Variants in KALRN observed in about 807,000 individuals in gnomAD.
KALRN encodes the protein kalirin RhoGEF kinase.
In KALRN, 70 loss-of-function variants were observed where a neutral mutation model predicts 353.7. The ratio of observed to expected loss-of-function variants is 0.20; its 90% CI spans 0.16 to 0.24. The LOEUF is 0.24. Among genes scored for constraint, KALRN ranks in the 10% least tolerant of loss-of-function variants. KALRN has a pLI of 1.00. For synonymous variants in KALRN, 1,391 were observed against 1,434.8 expected (o/e 0.97, Z 0.69); for missense variants, 2,791 against 3,756.7 (o/e 0.74, Z 6.72).
rs1560792214 is a variant in KALRN at position 124,395,339 on chromosome 3, G to A, written c.2167G>A (p.Ala723Thr). ...APPSLGEPSE[A>T]RDSAVSNNKT... is the part of the protein sequence containing the mutation. The stretch of plus-strand genomic sequence containing the variant: ...TCCCTCCCTCGGGGAGCCCAGCGAG[G>A]CCAGGTCAGCATGGGCAGAGCTTTC... The change falls in exon 12 of 60, where the codon GCC (alanine) becomes ACC (threonine). Residue 723 changes from alanine (A) to threonine (T), a missense_variant. By Grantham distance (58) the Ala-to-Thr change is moderately conservative. Coordinates refer to ENST00000682506, the MANE Select transcript of KALRN (RefSeq NM_001388419.1). The A allele has an allele frequency of 1.2e-5, 20 of 1,610,946 alleles. No homozygotes were observed. Among genetic ancestry groups the A allele is most frequent in the Non-Finnish European group, 1.7e-5 (20 of 1,178,706 alleles).
chr3:124,664,370 TGCGC>T (rs1553719790), intron 45 of KALRN, among the ~76,000 whole-genome samples: 221 of 129,566 alleles, frequency 1.7e-3, no homozygotes, highest in African/African-American at 6.1e-3. Flanking sequence ...TGTGTGTGTG[TGCGC>T]GCGCGCGCAT....
chr3:124,216,852 T>G (rs532502912), intron 1 of KALRN, among the ~76,000 whole-genome samples: 1 of 152,372 alleles, frequency 6.6e-6, no homozygotes, highest in South Asian at 2.1e-4. Flanking sequence ...CAGCAAACAT[T>G]AACTCATCTC....
At chr3:124,702,305 A>G (rs940370676) in intron 57 of KALRN, among the ~76,000 whole-genome samples, 189 bp downstream of exon 57, 1 of 152,176 alleles carries the variant, frequency 6.6e-6, no homozygotes, top group Non-Finnish European at 1.5e-5. Flanking sequence ...TGGATGCTTC[A>G]TTCATCAGTT....
At chr3:124,141,335 C>T (rs1317374468) in intron 1 of KALRN, among the ~76,000 whole-genome samples, 1 of 152,182 alleles carries the variant, frequency 6.6e-6, no homozygotes, top group African/African-American at 2.4e-5. Context: ...ACTCCCTAGC[C>T]TCGCCCAACC....
At chr3:124,416,016 G>A (rs941773178) in intron 14 of KALRN, among the ~76,000 whole-genome samples, 3 of 152,186 alleles carry the variant, frequency 2.0e-5, no homozygotes, top group Admixed American at 6.5e-5. Context: ...ACCTGGACTC[G>A]GGATTTAGCC....
At chr3:124,193,544 A>T (rs894142617) in intron 1 of KALRN, among the ~76,000 whole-genome samples, 1 of 151,396 alleles carries the variant, frequency 6.6e-6, no homozygotes, top group Non-Finnish European at 1.5e-5. Context: ...ACCACTTAAC[A>T]CTTCCCTATT....
At chr3:124,389,656 A>G (rs1010792601) in intron 11 of KALRN, among the ~76,000 whole-genome samples, 4 of 152,238 alleles carry the variant, frequency 2.6e-5, no homozygotes, top group Non-Finnish European at 5.9e-5. Context: ...CAGTCATTCT[A>G]AATCACATTG....
intron 1 of KALRN, among the ~76,000 whole-genome samples, chr3:124,037,591 T>C (rs1441922347): frequency 6.6e-6 from 1 of 152,202 alleles, no homozygotes; most frequent in East Asian, 1.9e-4. Flanking sequence ...GATAATATGA[T>C]TTAATAAGTG....
At chr3:124,264,180 C>T (rs2073236392) in intron 3 of KALRN, among the ~76,000 whole-genome samples, 4 of 151,920 alleles carry the variant, frequency 2.6e-5, no homozygotes, top group Non-Finnish European at 5.9e-5. Flanking sequence ...ATCATGTTGA[C>T]CCTCTTAAAG....
At chr3:124,694,767 A>G (rs535225094) in intron 53 of KALRN, among the ~76,000 whole-genome samples, 1 of 152,362 alleles carries the variant, frequency 6.6e-6, no homozygotes, top group African/African-American at 2.4e-5. Flanking sequence ...GGTGCTCAGC[A>G]CCACGTAGAC....
intron 9 of KALRN, among the ~76,000 whole-genome samples, chr3:124,339,423 T>C (rs1364137980): frequency 6.6e-6 from 1 of 152,184 alleles, no homozygotes. Context: ...TGATGGCTTC[T>C]CCTGCCATAG....
chr3:124,235,105 C>G (rs2079594310), intron 3 of KALRN, among the ~76,000 whole-genome samples, 162 bp downstream of exon 3: 1 of 152,142 alleles, frequency 6.6e-6, no homozygotes, highest in Non-Finnish European at 1.5e-5. Context: ...TGCCTCATTC[C>G]CATTGTTACT....
intron 6 of KALRN, among the ~76,000 whole-genome samples, chr3:124,324,987 C>T (rs1046629356): frequency 2.0e-5 from 3 of 152,182 alleles, no homozygotes; most frequent in Non-Finnish European, 4.4e-5. Flanking sequence ...ATGCCACAAC[C>T]TTACCTGATT....
intron 19 of KALRN, among the ~76,000 whole-genome samples, chr3:124,444,936 G>A (rs548595987): frequency 1.3e-5 from 2 of 152,252 alleles, no homozygotes; most frequent in South Asian, 2.1e-4. Context: ...GAAGGAGTAT[G>A]AAAAGTACAT....
At chr3:124,135,189 C>G (rs1250452734) in intron 1 of KALRN, among the ~76,000 whole-genome samples, 3 of 152,180 alleles carry the variant, frequency 2.0e-5, no homozygotes, top group Non-Finnish European at 4.4e-5. Context: ...TGGAATACTA[C>G]TCAGCCCTAA....
chr3:124,209,784 T>C (rs1001014802), intron 1 of KALRN, among the ~76,000 whole-genome samples: 1 of 152,264 alleles, frequency 6.6e-6, no homozygotes, highest in African/African-American at 2.4e-5. Context: ...TAACTGGCTA[T>C]GCCACCTTGG....
At chr3:124,240,836 T>C (rs2080347351) in intron 3 of KALRN, among the ~76,000 whole-genome samples, 2 of 152,160 alleles carry the variant, frequency 1.3e-5, no homozygotes, top group Admixed American at 1.3e-4. Context: ...TTTGGGAAAA[T>C]AATGTCTATC....
intron 17 of KALRN, among the ~76,000 whole-genome samples, chr3:124,435,144 T>C (rs1025444788): frequency 3.3e-5 from 5 of 152,382 alleles, no homozygotes; most frequent in African/African-American, 9.6e-5. Context: ...CAAGCCAACA[T>C]TAGTGAGGCA....
At chr3:124,368,555 G>A (rs1422096477) in intron 10 of KALRN, among the ~76,000 whole-genome samples, 2 of 148,638 alleles carry the variant, frequency 1.3e-5, no homozygotes, top group African/African-American at 5.0e-5. Flanking sequence ...GCGGCCGGGC[G>A]GAGACGCTCC....
Sources: allele counts gnomAD v4.1 joint callset (sites outside exome capture counted in the v4.1 genomes callset), GRCh38; gene constraint gnomAD v4.1.1; transcripts MANE v1.5; gene names NCBI Gene and HGNC (gene_info 2026-07-23, HGNC 2026-07-21).